NMT1: variants seen among roughly 807,000 people sequenced by gnomAD.
The protein encoded by NMT1 is glycylpeptide N-tetradecanoyltransferase 1.
NMT1 carries 12 observed loss-of-function variants against 63.4 expected under a neutral mutation model. The ratio of observed to expected loss-of-function variants is 0.19; its 90% confidence interval spans 0.12 to 0.31. The LOEUF (loss-of-function observed/expected upper bound fraction) is 0.31, where lower values mean the gene tolerates loss of function less well. Among genes scored for constraint, NMT1 ranks in the 10% least tolerant of loss-of-function variants. NMT1 has a pLI of 1.00. For missense variants in NMT1, 432 were observed against 634.6 expected, an observed-to-expected ratio of 0.68 and a Z score of 3.43; for synonymous variants, 228 against 234.3, an observed-to-expected ratio of 0.97 and a Z score of 0.25.
Position 45,103,849 on chromosome 17 carries a change from G to T in NMT1, c.1305G>T (p.Met435Ile), listed in dbSNP as rs750807200. Residue 435 changes from methionine to isoleucine, a missense_variant, in exon 10 of 12, where the codon ATG (methionine) becomes ATT (isoleucine). Around this residue, in one of 4 missense-constraint regions of NMT1, gnomAD observed 295 missense variants for 489.7 expected, o/e 0.60. Transcript: ENST00000258960. The surrounding 1 kb of genome is among the most constrained non-coding windows in gnomAD (Gnocchi z 4.8). ...CCCAGACCCCTCTTCTAGACCTCAT[G>T]AGCGACGCCCTTGTCCTCGCCAAAA... ...VHTQTPLLDL[M>I]SDALVLAKMK... 47 of 1,613,980 alleles carry T rather than the reference G, an allele frequency of 2.9e-5. 1 individual carries two copies. The Admixed American group carries it at 3.8e-4, about 13-fold the overall frequency.
Position 45,103,741 on chromosome 17 carries a change from C to CT in NMT1, c.1201dup (p.Tyr401LeufsTer48). 1.2e-6 allele frequency: 2 copies of CT among 1,613,798 alleles called. No homozygotes were observed. The highest frequency in any genetic ancestry group is 1.7e-6 in the Non-Finnish European group (2 of 1,179,852). On this transcript the variant is annotated frameshift_variant, in exon 10 of 12. Coordinates refer to ENST00000258960, the MANE Select transcript of NMT1 (RefSeq NM_021079.5). LOFTEE classifies it high-confidence loss of function. The surrounding 1 kb of genome is among the most constrained non-coding windows in gnomAD (Gnocchi z 4.8). ...ACGGAGAGGTGACAGATTTCCTGAGCTTTTATACGCTGCCCTCCACCATCA... is the reference window on the plus strand; with the variant it reads ...ACGGAGAGGTGACAGATTTCCTGAGCTTTTTATACGCTGCCCTCCACCATCA...
chr17:45,095,032 C>T (rs2054115212), intron 4 of NMT1, among the ~76,000 whole-genome samples: 1 of 149,348 alleles, frequency 6.7e-6, no homozygotes, highest in Admixed American at 6.7e-5. Flanking sequence ...AGTCTGGTCT[C>T]GAACTCCTGA....
chr17:45,082,715 C>A (rs1262460620), intron 2 of NMT1, among the ~76,000 whole-genome samples: 3 of 152,156 alleles, frequency 2.0e-5, no homozygotes, highest in South Asian at 4.1e-4. Flanking sequence ...CATAATTCAC[C>A]TTTTAAAACT....
In NMT1 at chr17:45,108,301, A is replaced by C. The variant is rs533836199; in HGVS notation, c.*2662A>C. 13 of 152,156 alleles carry C rather than the reference A, an allele frequency of 8.5e-5. No homozygotes were observed. The East Asian group carries it at 2.5e-3, about 30-fold the overall frequency. 9.4% of individuals were successfully genotyped at this position (152,156 alleles called of 1,614,324 possible). A position where few individuals can be genotyped will look rare whatever the true frequency, so the allele number is the denominator to read the frequency against. On this transcript the variant is annotated 3_prime_UTR_variant, in exon 12 of 12. Transcript: ENST00000258960. Reference sequence around the variant, plus strand: ...GTGTGTAGGGAGAGAGCTGAGTAGGAGGCCTCCACTCCGGATCGAGGCCTG... The same window carrying C: ...GTGTGTAGGGAGAGAGCTGAGTAGGCGGCCTCCACTCCGGATCGAGGCCTG...
At chr17:45,072,620 T>C (rs6503419) in intron 1 of NMT1, among the ~76,000 whole-genome samples, 108,953 of 148,868 alleles carry the variant, frequency 0.73, 40,706 homozygotes, top group African/African-American at 0.9. Context: ...AGTGCAGTGG[T>C]GCGATCTCAG....
At chr17:45,073,536 A>G (rs1379381890) in intron 1 of NMT1, among the ~76,000 whole-genome samples, 1 of 152,240 alleles carries the variant, frequency 6.6e-6, no homozygotes, top group Non-Finnish European at 1.5e-5. Flanking sequence ...TAAAACAGGC[A>G]GACATCAGAG....
At chr17:45,102,082 G>A (rs1567872387) in intron 8 of NMT1, among the ~76,000 whole-genome samples, 1 of 152,216 alleles carries the variant, frequency 6.6e-6, no homozygotes, top group African/African-American at 2.4e-5. Context: ...GTAGAATGAG[G>A]TCATTGAGCG....
rs993940078 is a variant in NMT1 at position 45,107,054 on chromosome 17, T to C, written c.*1415T>C. Reference sequence around the variant, plus strand: ...AGAGAAGCAAGTGGTGGGAAGGAGGTAGCATGACGTGTGGTGTGCGGGTTT... The same window carrying C: ...AGAGAAGCAAGTGGTGGGAAGGAGGCAGCATGACGTGTGGTGTGCGGGTTT... On this transcript the variant is annotated 3_prime_UTR_variant, in exon 12 of 12. Coordinates refer to ENST00000258960, the MANE Select transcript of NMT1 (RefSeq NM_021079.5). The C allele has an allele frequency of 1.3e-5, 2 of 152,066 alleles. No individual in the cohort carries two copies. The highest frequency in any genetic ancestry group is 4.8e-5 in the African/African-American group (2 of 41,394). 9.4% of individuals were successfully genotyped at this position (152,066 alleles called of 1,614,324 possible). A position where few individuals can be genotyped will look rare whatever the true frequency, so the allele number is the denominator to read the frequency against.
intron 1 of NMT1, among the ~76,000 whole-genome samples, chr17:45,078,011 C>G (rs41467648): frequency 6.6e-6 from 1 of 152,036 alleles, no homozygotes; most frequent in African/African-American, 2.4e-5. Flanking sequence ...GGTGTACTTG[C>G]ATCTAGACTT....
intron 1 of NMT1, among the ~76,000 whole-genome samples, chr17:45,069,972 A>G (rs2053929373): frequency 6.6e-6 from 1 of 152,112 alleles, no homozygotes; most frequent in South Asian, 2.1e-4. Context: ...TCTGAACAGC[A>G]TTTGATTTTA....
chr17:45,088,700 G>A (rs1406477772), intron 3 of NMT1, among the ~76,000 whole-genome samples: 3 of 151,720 alleles, frequency 2.0e-5, no homozygotes, highest in Admixed American at 6.6e-5. Flanking sequence ...GTTGCAGTAA[G>A]CTGAGATCGC....
At chr17:45,093,640 C>T (rs746436203) in intron 3 of NMT1, 45 bp from the exon 4 acceptor site, 5 of 1,559,638 alleles carry the variant, frequency 3.2e-6, no homozygotes, top group Non-Finnish European at 1.8e-6. Context: ...CTTTACTGCC[C>T]CGAGGGGGCA....
At chr17:45,087,272 A>G (rs1598012080) in intron 3 of NMT1, among the ~76,000 whole-genome samples, 1 of 152,018 alleles carries the variant, frequency 6.6e-6, no homozygotes, top group Middle Eastern at 3.4e-3. Context: ...GTTTATAGAG[A>G]CTTTGTCTTG....
chr17:45,089,367 G>C (rs1483871123), intron 3 of NMT1, among the ~76,000 whole-genome samples: 2 of 152,138 alleles, frequency 1.3e-5, no homozygotes, highest in Non-Finnish European at 2.9e-5. Context: ...TTATGAGACA[G>C]AGTCTCACTC....
rs1376262202 is a variant in NMT1, at chr17:45,104,088, C to T, written c.1332+212C>T. 6.8e-7 allele frequency: 1 copy of T among 1,474,750 alleles called. No homozygotes were observed. Among genetic ancestry groups the T allele is most frequent in the Non-Finnish European group, 9.0e-7 (1 of 1,113,780 alleles). The allele number at this position is 1,474,750 out of a possible 1,614,324, so 91.4% of individuals were successfully genotyped here. On this transcript the variant is annotated intron_variant, in intron 10 of 11. Transcript: ENST00000258960. The surrounding 1 kb of genome is among the most constrained non-coding windows in gnomAD (Gnocchi z 4.2). Reference sequence around the variant, plus strand: ...TCCGAAGTGAAGGCATTGAACTCCTCCTGATTCATTTCAGTGAGTTTCGTT... The same window carrying T: ...TCCGAAGTGAAGGCATTGAACTCCTTCTGATTCATTTCAGTGAGTTTCGTT...
intron 1 of NMT1, among the ~76,000 whole-genome samples, chr17:45,080,173 T>A (rs1437991553): frequency 1.3e-5 from 2 of 151,992 alleles, no homozygotes; most frequent in Non-Finnish European, 2.9e-5. Context: ...TTCCCTTTTT[T>A]TTTTGAGACG....
intron 1 of NMT1, among the ~76,000 whole-genome samples, chr17:45,077,749 A>G (rs2053987127): frequency 6.6e-6 from 1 of 152,230 alleles, no homozygotes; most frequent in African/African-American, 2.4e-5. Flanking sequence ...AAGTGAAAAT[A>G]TCTGGAGTAG....
chr17:45,063,552 G>T (rs142750421), intron 1 of NMT1, among the ~76,000 whole-genome samples: 1 of 152,052 alleles, frequency 6.6e-6, no homozygotes, highest in Non-Finnish European at 1.5e-5. Context: ...AGTGTCCTTA[G>T]GTTTGTGCCC....
intron 1 of NMT1, among the ~76,000 whole-genome samples, chr17:45,065,421 G>A (rs565799821): frequency 1.3e-5 from 2 of 152,074 alleles, no homozygotes; most frequent in Admixed American, 6.6e-5. Flanking sequence ...TCAGGAGATC[G>A]AGACCATCCT....
Sources: gnomAD v4.1 joint callset for allele counts (sites outside exome capture counted in the v4.1 genomes callset) on GRCh38, gnomAD v4.1.1 for gene constraint, gnomAD v4.1.1 regional missense constraint, Gnocchi (gnomAD v3.1) non-coding constraint, MANE v1.5 for transcripts, NCBI Gene and HGNC (gene_info 2026-07-23, HGNC 2026-07-21) for gene names.